NKAIN2: variants seen among roughly 807,000 people sequenced by gnomAD.
The protein encoded by NKAIN2 is sodium/potassium-transporting ATPase subunit beta-1-interacting protein 2.
A neutral mutation model predicts 32.6 loss-of-function variants in NKAIN2; 14 were observed. That is an observed-to-expected ratio of 0.43 (90% confidence interval 0.28 to 0.67). The LOEUF is 0.67. NKAIN2 is among the 30% of genes least tolerant of loss of function. The pLI is 0.17. For missense variants in NKAIN2, 198 were observed against 258.3 expected (o/e 0.77, Z 1.60); for synonymous variants, 80 against 87.2 (o/e 0.92, Z 0.46).
chr6:124,256,960 A>T (rs1258458301), intron 1 of NKAIN2, among the ~76,000 whole-genome samples: 1 of 144,390 alleles, frequency 6.9e-6, no homozygotes, highest in Non-Finnish European at 1.5e-5. Context: ...AAAAGCTATA[A>T]CTTCTTTTGG....
intron 2 of NKAIN2, among the ~76,000 whole-genome samples, chr6:124,307,507 A>G (rs1796554490): frequency 6.6e-6 from 1 of 152,174 alleles, no homozygotes; most frequent in Admixed American, 6.6e-5. Flanking sequence ...TGAAATATTT[A>G]TATTTACGAG....
intron 4 of NKAIN2, among the ~76,000 whole-genome samples, chr6:124,725,838 C>G (rs931898147): frequency 6.6e-6 from 1 of 152,202 alleles, no homozygotes; most frequent in African/African-American, 2.4e-5. Context: ...GGGCGCAGGT[C>G]AGTGGGTGCA....
intron 3 of NKAIN2, among the ~76,000 whole-genome samples, chr6:124,618,230 C>A (rs1184558495): frequency 6.6e-6 from 1 of 152,128 alleles, no homozygotes; most frequent in African/African-American, 2.4e-5. Flanking sequence ...GTAATCCCAG[C>A]ACTTTGGGAG....
intron 1 of NKAIN2, among the ~76,000 whole-genome samples, chr6:123,897,643 G>T (rs1376148519): frequency 6.6e-6 from 1 of 152,010 alleles, no homozygotes; most frequent in Non-Finnish European, 1.5e-5. Context: ...TATCTGTTAT[G>T]AGTGGTTGGT....
chr6:124,546,624 T>A (rs1780103676), intron 3 of NKAIN2, among the ~76,000 whole-genome samples: 1 of 152,112 alleles, frequency 6.6e-6, no homozygotes, highest in Non-Finnish European at 1.5e-5. Context: ...TGTCTTTGTT[T>A]ATTGAATTTG....
At chr6:124,786,273 A>C (rs955888582) in intron 4 of NKAIN2, among the ~76,000 whole-genome samples, 19 of 152,086 alleles carry the variant, frequency 1.2e-4, no homozygotes, top group Non-Finnish European at 2.1e-4. Context: ...GGTCTGCCTC[A>C]AAGTCTTCTT....
chr6:123,950,718 T>C (rs1468131909), intron 1 of NKAIN2, among the ~76,000 whole-genome samples: 1 of 151,910 alleles, frequency 6.6e-6, no homozygotes, highest in African/African-American at 2.4e-5. Flanking sequence ...TTTTCAATTT[T>C]GTTTATCTTT....
At chr6:124,013,480 A>T (rs1192054545) in intron 1 of NKAIN2, among the ~76,000 whole-genome samples, 1 of 152,198 alleles carries the variant, frequency 6.6e-6, no homozygotes, top group Non-Finnish European at 1.5e-5. Flanking sequence ...TTAAGATATG[A>T]GAAATATAAG....
chr6:124,322,240 C>T (rs2115027635), intron 2 of NKAIN2, among the ~76,000 whole-genome samples: 1 of 152,190 alleles, frequency 6.6e-6, no homozygotes, highest in African/African-American at 2.4e-5. Flanking sequence ...TAAAAAATAA[C>T]TCTAGCCTTA....
intron 1 of NKAIN2, among the ~76,000 whole-genome samples, chr6:124,131,981 A>C (rs540359039): frequency 6.6e-6 from 1 of 152,306 alleles, no homozygotes; most frequent in South Asian, 2.1e-4. Context: ...CCTGAAAGCC[A>C]TGCTTGCTTT....
intron 1 of NKAIN2, among the ~76,000 whole-genome samples, chr6:124,152,408 C>T (rs1787772854): frequency 6.6e-6 from 1 of 151,798 alleles, no homozygotes; most frequent in South Asian, 2.1e-4. Flanking sequence ...ATATTTTTCT[C>T]TTTAAAGATT....
At chr6:124,492,023 T>A (rs1291402728) in intron 3 of NKAIN2, among the ~76,000 whole-genome samples, 3 of 151,908 alleles carry the variant, frequency 2.0e-5, no homozygotes, top group Non-Finnish European at 2.9e-5. Context: ...CAATGGTGAA[T>A]TTAAAAAGAA....
At chr6:124,119,298 GTA>G (rs1326851749) in intron 1 of NKAIN2, among the ~76,000 whole-genome samples, 2 of 152,146 alleles carry the variant, frequency 1.3e-5, no homozygotes, top group African/African-American at 2.4e-5. Context: ...CAGAACAAAT[GTA>G]TGTTCCTATG....
At chr6:124,331,429 C>CGA (rs1329534350) in intron 2 of NKAIN2, among the ~76,000 whole-genome samples, 76 of 142,530 alleles carry the variant, frequency 5.3e-4, no homozygotes, top group Admixed American at 3.8e-3. Context: ...CACGGGAGGC[C>CGA]GAGGCAGGAG....
Position 124,023,665 on chromosome 6 carries a change from C to G in NKAIN2, c.54+219411C>G, listed in dbSNP as rs550382604. The stretch of plus-strand genomic sequence containing the variant: ...GATTTTAGAGGACTTTTCCTTATTG[C>G]AGGACAGATTAACTTTACATTGATT... On this transcript the variant is annotated intron_variant, in intron 1 of 6. Transcript: ENST00000368417. Among the ~76,000 whole-genome samples the G allele has an allele frequency of 2.6e-5, 4 of 152,212 alleles. No homozygotes were observed. In the South Asian group the frequency reaches 8.3e-4, roughly 32 times the overall value.
intron 2 of NKAIN2, among the ~76,000 whole-genome samples, chr6:124,342,804 C>T (rs1044091606): frequency 7.6e-6 from 1 of 132,420 alleles, no homozygotes; most frequent in Admixed American, 7.9e-5. Context: ...CACACCTGCC[C>T]AGAAGATGTT....
intron 1 of NKAIN2, among the ~76,000 whole-genome samples, chr6:124,253,079 G>C (rs1793758257): frequency 6.6e-6 from 1 of 152,080 alleles, no homozygotes; most frequent in Non-Finnish European, 1.5e-5. Context: ...TATATAGAAT[G>C]ACATGGCGGA....
At chr6:124,368,535 C>G (rs1213713728) in intron 3 of NKAIN2, among the ~76,000 whole-genome samples, 2 of 152,094 alleles carry the variant, frequency 1.3e-5, no homozygotes, top group African/African-American at 4.8e-5. Context: ...TCCTTCCAAA[C>G]AGAAGAGTCC....
At chr6:124,189,441 C>T (rs1023284808) in intron 1 of NKAIN2, among the ~76,000 whole-genome samples, 4 of 152,130 alleles carry the variant, frequency 2.6e-5, no homozygotes, top group South Asian at 2.1e-4. Context: ...TGACTCACCC[C>T]TGTAATCCCA....
Sources: allele counts gnomAD v4.1 joint callset (sites outside exome capture counted in the v4.1 genomes callset), GRCh38; gene constraint gnomAD v4.1.1; transcripts MANE v1.5; gene names NCBI Gene and HGNC (gene_info 2026-07-23, HGNC 2026-07-21).